Variants in CHCHD6 observed in about 807,000 individuals in gnomAD.
CHCHD6 encodes MICOS complex subunit MIC25.
Under a neutral mutation model 32.3 loss-of-function variants are expected in CHCHD6, and 28 were observed. The ratio of observed to expected loss-of-function variants is 0.87; its 90% CI spans 0.64 to 1.19. CHCHD6 has a LOEUF of 1.19. Ranked by LOEUF, CHCHD6 falls within the 50% of genes most tolerant of loss-of-function variation. The pLI is 0.00. For synonymous variants in CHCHD6, 122 were observed against 117.5 expected, an observed-to-expected ratio of 1.04 and a Z score of -0.25; for missense variants, 333 against 307.0, an observed-to-expected ratio of 1.08 and a Z score of -0.63.
At chr3:126,734,889 G>A (rs762071580) in intron 4 of CHCHD6, among the ~76,000 whole-genome samples, 10 of 152,142 alleles carry the variant, frequency 6.6e-5, no homozygotes, top group African/African-American at 9.7e-5. Context: ...AAAGTAGCCC[G>A]CATCGATCCT....
intron 4 of CHCHD6, among the ~76,000 whole-genome samples, chr3:126,851,538 T>A (rs116036589): frequency 0.018 from 2,748 of 152,222 alleles, 31 homozygotes; most frequent in Middle Eastern, 0.051. Context: ...CAACAAGCAG[T>A]TGGTGTTATT....
intron 5 of CHCHD6, among the ~76,000 whole-genome samples, chr3:126,876,281 G>C (rs1477549963): frequency 6.6e-6 from 1 of 152,246 alleles, no homozygotes; most frequent in Non-Finnish European, 1.5e-5. Context: ...TGTTTAGAAA[G>C]AAGCTTGATG....
At chr3:126,810,832 C>T (rs1019637657) in intron 4 of CHCHD6, among the ~76,000 whole-genome samples, 1 of 152,122 alleles carries the variant, frequency 6.6e-6, no homozygotes, top group Non-Finnish European at 1.5e-5. Flanking sequence ...GTGGATATTT[C>T]CTGAGCTGTG....
In CHCHD6 at chr3:126,959,816, A is replaced by AGG. The variant is rs372949244; in HGVS notation, c.703-377_703-376dup. Among the ~76,000 whole-genome samples the AGG allele has an allele frequency of 2.1e-3, 318 of 152,304 alleles. 1 individual carries two copies. The highest frequency in any genetic ancestry group is 7.4e-3 in the African/African-American group (306 of 41,558). Reference sequence around the variant, plus strand: ...TGAGCTGTGAAAAATCAGAGAACAGAGGGGAGGCCTTGATGAGGCAGAGCA... The same window carrying AGG: ...TGAGCTGTGAAAAATCAGAGAACAGAGGGGGGAGGCCTTGATGAGGCAGAGCA... On this transcript the variant is annotated intron_variant, in intron 7 of 7. Coordinates refer to ENST00000290913, the MANE Select transcript of CHCHD6 (RefSeq NM_032343.3).
At chr3:126,768,208 G>A (rs1937453169) in intron 4 of CHCHD6, among the ~76,000 whole-genome samples, 1 of 152,164 alleles carries the variant, frequency 6.6e-6, no homozygotes, top group Non-Finnish European at 1.5e-5. Flanking sequence ...TGCTGTTTGT[G>A]TGATAGTGAG....
chr3:126,936,881 G>T (rs1191454309), intron 6 of CHCHD6, among the ~76,000 whole-genome samples: 2 of 152,340 alleles, frequency 1.3e-5, no homozygotes, highest in East Asian at 3.9e-4. Context: ...GTGGCTGCTA[G>T]AAAACTGATA....
intron 4 of CHCHD6, among the ~76,000 whole-genome samples, chr3:126,763,816 A>G (rs1250678900): frequency 6.6e-6 from 1 of 152,160 alleles, no homozygotes; most frequent in Non-Finnish European, 1.5e-5. Context: ...ATGGGAGAGG[A>G]AGTTGAGGAA....
At chr3:126,798,075 G>A (rs1938880118) in intron 4 of CHCHD6, among the ~76,000 whole-genome samples, 1 of 152,146 alleles carries the variant, frequency 6.6e-6, no homozygotes, top group African/African-American at 2.4e-5. Context: ...TTGCTTCACA[G>A]TTTGAAGCAC....
At chr3:126,801,813 C>T (rs1939090222) in intron 4 of CHCHD6, among the ~76,000 whole-genome samples, 1 of 152,218 alleles carries the variant, frequency 6.6e-6, no homozygotes, top group African/African-American at 2.4e-5. Flanking sequence ...GAGGCAACCC[C>T]CAGTAGGGGC....
At position 126,833,793 on chromosome 3, in the gene CHCHD6, C is replaced by T. The variant is rs975100978; in HGVS notation, c.412-18854C>T. Among the ~76,000 whole-genome samples, 13 of 152,118 alleles carry T rather than the reference C, an allele frequency of 8.5e-5. 1 individual carries two copies. The highest frequency in any genetic ancestry group is 1.3e-4 in the Admixed American group (2 of 15,276). ...TAACGTGGCCGGGCGCGGTGGCTCA[C>T]GCCTGTAATCCCAGCACTTTGGGAG... On this transcript the variant is annotated intron_variant, in intron 4 of 7. Coordinates refer to ENST00000290913, the MANE Select transcript of CHCHD6 (RefSeq NM_032343.3).
chr3:126,791,528 G>A (rs1173289867), intron 4 of CHCHD6, among the ~76,000 whole-genome samples: 8 of 152,224 alleles, frequency 5.3e-5, no homozygotes, highest in Admixed American at 2.6e-4. Context: ...AATGGCGGGC[G>A]CCCCTCCCCC....
chr3:126,834,093 G>A (rs1257967392), intron 4 of CHCHD6, among the ~76,000 whole-genome samples: 1 of 142,216 alleles, frequency 7.0e-6, no homozygotes, highest in African/African-American at 2.7e-5. Flanking sequence ...TACCAATAAC[G>A]TTACTTAATT....
In CHCHD6 at chr3:126,704,295, G is replaced by C. The variant is rs746340185; in HGVS notation, c.-18G>C. On this transcript the variant is annotated 5_prime_UTR_variant, in exon 1 of 8. Transcript: ENST00000290913. ...CGGGTCTCGGGTCTGGTGGCTGCCG[G>C]CCCTGCGGCATCTCGCCATGGGGAG... 5.0e-6 allele frequency: 8 copies of C among 1,597,648 alleles called. No homozygotes were observed. The highest frequency in any genetic ancestry group is 6.8e-6 in the Non-Finnish European group (8 of 1,173,460).
chr3:126,864,877 T>TCCTCCTCCACCATCA (rs1942201289), intron 5 of CHCHD6, among the ~76,000 whole-genome samples: 1 of 123,994 alleles, frequency 8.1e-6, no homozygotes, highest in Non-Finnish European at 1.6e-5. Context: ...CATCATCTCC[T>TCCTCCTCCACCATCA]CCTCCTCCTC....
At chr3:126,920,978 C>T (rs1235726217) in intron 6 of CHCHD6, among the ~76,000 whole-genome samples, 2 of 151,688 alleles carry the variant, frequency 1.3e-5, no homozygotes, top group African/African-American at 2.4e-5. Flanking sequence ...TTTTTTTTCC[C>T]TCGGGGAAGA....
chr3:126,843,713 A>G (rs1415816797), intron 4 of CHCHD6, among the ~76,000 whole-genome samples: 1 of 152,154 alleles, frequency 6.6e-6, no homozygotes. Flanking sequence ...TTCCACTACC[A>G]CTGTCTCCTC....
At chr3:126,760,433 C>T (rs1410557527) in intron 4 of CHCHD6, among the ~76,000 whole-genome samples, 1 of 152,206 alleles carries the variant, frequency 6.6e-6, no homozygotes, top group African/African-American at 2.4e-5. Flanking sequence ...CATCACCACT[C>T]TCCTTTTCCG....
chr3:126,728,110 G>A (rs560966411), intron 2 of CHCHD6, among the ~76,000 whole-genome samples: 1 of 152,268 alleles, frequency 6.6e-6, no homozygotes, highest in South Asian at 2.1e-4. Context: ...CATCTTCCCT[G>A]TTGGGTTGAA....
intron 4 of CHCHD6, among the ~76,000 whole-genome samples, chr3:126,831,733 G>C (rs17693995): frequency 6.6e-6 from 1 of 152,144 alleles, no homozygotes; most frequent in South Asian, 2.1e-4. Context: ...ATTTCCGTGC[G>C]AAAGGGGAGA....
Sources: allele counts gnomAD v4.1 joint callset (sites outside exome capture counted in the v4.1 genomes callset), GRCh38; gene constraint gnomAD v4.1.1; transcripts MANE v1.5; gene names NCBI Gene and HGNC (gene_info 2026-07-23, HGNC 2026-07-21).